Variants in HNRNPR observed in about 807,000 individuals in gnomAD.
HNRNPR encodes heterogeneous nuclear ribonucleoprotein R.
A neutral mutation model predicts 70.3 loss-of-function variants in HNRNPR; 4 were observed. The observed-to-expected ratio is 0.06, with a 90% CI of 0.03 to 0.13. HNRNPR has a LOEUF of 0.13. Among genes scored for constraint, HNRNPR ranks in the 10% least tolerant of loss-of-function variants. The probability of loss-of-function intolerance (pLI) is 1.00; values close to 1 mark genes in which losing one functional copy is unlikely to be tolerated. For synonymous variants in HNRNPR, 241 were observed against 267.6 expected, an observed-to-expected ratio of 0.90 and a Z score of 0.97; for missense variants, 423 against 788.5, an observed-to-expected ratio of 0.54 and a Z score of 5.55.
chr1:23,333,455 G>T, intron 5 of HNRNPR, 63 bp downstream of exon 5: 1 of 961,884 alleles, frequency 1.0e-6, no homozygotes, highest in Non-Finnish European at 1.7e-6. Context: ...TACAGTATCT[G>T]CATAGTAGAT....
Position 23,321,562 on chromosome 1 carries a change from T to C in HNRNPR, c.777A>G (p.Lys259=), listed in dbSNP as rs1645760425. ...TACTGAATTCTTCCAAAATGTTTTC[T>C]TTAGTCTTATTCTTCGGAATGGATC... The part of the protein sequence containing the change: ...FVGSIPKNKT[K]ENILEEFSKV... Residue 259 remains lysine (K), a synonymous_variant, in exon 7 of 11, where the codon AAA becomes AAG. Coordinates refer to ENST00000302271, the MANE Select transcript of HNRNPR (RefSeq NM_005826.5). The C allele has an allele frequency of 6.2e-7, 1 of 1,613,604 alleles. No homozygotes were observed. The highest frequency in any genetic ancestry group is 1.7e-4 in the Middle Eastern group (1 of 6,060).
chr1:23,340,655 C>G (rs1358203441), intron 2 of HNRNPR, among the ~76,000 whole-genome samples, 197 bp downstream of exon 2: 2 of 152,162 alleles, frequency 1.3e-5, no homozygotes, highest in Non-Finnish European at 2.9e-5. Context: ...GCATATTCAA[C>G]ACTAAGAAGG....
At chr1:23,330,682 A>G (rs4648861) in intron 5 of HNRNPR, among the ~76,000 whole-genome samples, 28,907 of 152,212 alleles carry the variant, frequency 0.19, 3,092 homozygotes, top group Admixed American at 0.34. Flanking sequence ...TCATCCTTGC[A>G]TATTTCTCAT....
At chr1:23,343,091 A>C (rs1159118332) in intron 1 of HNRNPR, among the ~76,000 whole-genome samples, 1 of 152,216 alleles carries the variant, frequency 6.6e-6, no homozygotes, top group East Asian at 1.9e-4. Context: ...TTTGAAACTC[A>C]TTCAAATGTG....
At chr1:23,323,441 A>C in intron 6 of HNRNPR, 115 bp downstream of exon 6, 2 of 1,010,568 alleles carry the variant, frequency 2.0e-6, no homozygotes, top group Non-Finnish European at 2.9e-6. Flanking sequence ...TCAGTATAAA[A>C]ACATTCCAAG....
chr1:23,307,727 T>C lies in HNRNPR; in HGVS notation c.*2727A>G, dbSNP rs1303597514. The C allele has an allele frequency of 1.3e-5, 2 of 152,042 alleles. No individual in the cohort carries two copies. Among genetic ancestry groups the C allele is most frequent in the African/African-American group, 4.8e-5 (2 of 41,426 alleles). The allele number at this position is 152,042 out of a possible 1,614,324, so 9.4% of individuals were successfully genotyped here. On this transcript the variant is annotated 3_prime_UTR_variant, in exon 11 of 11. Coordinates refer to ENST00000302271, the MANE Select transcript of HNRNPR (RefSeq NM_005826.5). ...TAGTATTCCATTATGGGGAGGGGCA[T>C]ATTTGTATCGGTCTCACCAGGGTAC...
intron 4 of HNRNPR, among the ~76,000 whole-genome samples, chr1:23,337,085 G>A (rs1646524686): frequency 6.6e-6 from 1 of 152,112 alleles, no homozygotes; most frequent in South Asian, 2.1e-4. Context: ...AAGGAGGAAA[G>A]CAGTTATAAC....
chr1:23,338,046 G>A, intron 3 of HNRNPR, 185 bp from the exon 4 acceptor site: 1 of 517,826 alleles, frequency 1.9e-6, no homozygotes, highest in Admixed American at 3.4e-5. Context: ...AGGCAGTATA[G>A]ACCTCAGGGA....
intron 4 of HNRNPR, among the ~76,000 whole-genome samples, chr1:23,334,892 G>A (rs1163945625): frequency 6.6e-6 from 1 of 151,456 alleles, no homozygotes; most frequent in South Asian, 2.1e-4. Flanking sequence ...AATCTACCTA[G>A]AAAAGAGAAA....
intron 8 of HNRNPR, among the ~76,000 whole-genome samples, chr1:23,315,279 C>CAAAAAAAAAAAA (rs1165980444): frequency 2.8e-5 from 1 of 35,390 alleles, no homozygotes; most frequent in African/African-American, 8.5e-5. Flanking sequence ...GGCTCCGTCT[C>CAAAAAAAAAAAA]AAAAAAAAAA....
At chr1:23,326,775 A>C (rs1192260399) in intron 5 of HNRNPR, among the ~76,000 whole-genome samples, 2 of 152,144 alleles carry the variant, frequency 1.3e-5, no homozygotes, top group Non-Finnish European at 2.9e-5. Flanking sequence ...ACAAGAGTGA[A>C]ACTGTCTCAG....
Position 23,321,515 on chromosome 1 carries a change from A to G in HNRNPR, c.811+13T>C. ...TTTCGCAAAAGTAATTTCTAAATAC[A>G]TTTTTGTTTTACCTGTGACTTTACT... On this transcript the variant is annotated intron_variant, in intron 7 of 10. Transcript: ENST00000302271. 2 of 1,608,744 alleles carry G rather than the reference A, an allele frequency of 1.2e-6. No homozygotes were observed. The highest frequency in any genetic ancestry group is 1.7e-6 in the Non-Finnish European group (2 of 1,176,200).
chr1:23,342,900 C>T (rs1433058922), intron 1 of HNRNPR, among the ~76,000 whole-genome samples: 1 of 152,218 alleles, frequency 6.6e-6, no homozygotes, highest in Admixed American at 6.5e-5. Context: ...ATTGCAAAGG[C>T]TCTACAAGTT....
chr1:23,336,213 G>A (rs1220577206), intron 4 of HNRNPR, among the ~76,000 whole-genome samples: 1 of 151,178 alleles, frequency 6.6e-6, no homozygotes, highest in Admixed American at 6.6e-5. Flanking sequence ...ATCCCCCAAG[G>A]TCAGGAGTTT....
In HNRNPR at chr1:23,306,047, C is replaced by T. The variant is rs903518894; in HGVS notation, c.*4407G>A. On this transcript the variant is annotated 3_prime_UTR_variant, in exon 11 of 11. Transcript: ENST00000302271. ...GTGCAATAAATATCTCTTTAAGATGCATTATATGTTAATCTATCCAACAAA... is the reference window on the plus strand; with the variant it reads ...GTGCAATAAATATCTCTTTAAGATGTATTATATGTTAATCTATCCAACAAA... The T allele has an allele frequency of 1.3e-5, 2 of 152,068 alleles. No individual in the cohort carries two copies. The highest frequency in any genetic ancestry group is 4.8e-5 in the African/African-American group (2 of 41,394). 9.4% of individuals were successfully genotyped at this position (152,068 alleles called of 1,614,324 possible).
Position 23,340,923 on chromosome 1 carries a change from T to C in HNRNPR, c.86A>G (p.His29Arg). 1 of 1,613,476 alleles carries C rather than the reference T, an allele frequency of 6.2e-7. No individual in the cohort carries two copies. Among genetic ancestry groups the C allele is most frequent in the South Asian group, 1.1e-5 (1 of 91,020 alleles). Reference protein sequence around the residue: ...MDTSSVTHTEHYKTLIEAGLP... With the variant: ...MDTSSVTHTERYKTLIEAGLP... ...GCCTGCCTCTATCAGTGTCTTGTAG[T>C]GTTCTGTGTGAGTTACACTGGAAGT... The change falls in exon 2 of 11, where the codon CAC (histidine) becomes CGC (arginine). Residue 29 changes from histidine (H) to arginine (R), a missense_variant. Coordinates refer to ENST00000302271, the MANE Select transcript of HNRNPR (RefSeq NM_005826.5).
intron 5 of HNRNPR, among the ~76,000 whole-genome samples, chr1:23,328,979 A>C (rs1439468678): frequency 6.6e-6 from 1 of 152,168 alleles, no homozygotes; most frequent in Non-Finnish European, 1.5e-5. Flanking sequence ...AAATTGGCTC[A>C]GTGTGGTGCC....
rs1022049004 is a variant in HNRNPR, at chr1:23,312,232, G to A, written c.1168-910C>T. ...TTCCCTTTTACCACCTCAGCTTTGC[G>A]TTGCTTCAGTTAAAGCAACTAAACA... On this transcript the variant is annotated intron_variant, in intron 9 of 10. Transcript: ENST00000302271. Among the ~76,000 whole-genome samples the A allele has an allele frequency of 2.1e-4, 32 of 152,224 alleles. 1 individual carries two copies. The highest frequency in any genetic ancestry group is 1.0e-3 in the Admixed American group (16 of 15,292).
chr1:23,326,033 G>A (rs1214644153), intron 5 of HNRNPR, among the ~76,000 whole-genome samples: 1 of 152,040 alleles, frequency 6.6e-6, no homozygotes, highest in Non-Finnish European at 1.5e-5. Context: ...GCTAATATCT[G>A]GGGGTGGCGG....
Sources: allele counts gnomAD v4.1 joint callset (sites outside exome capture counted in the v4.1 genomes callset), GRCh38; gene constraint gnomAD v4.1.1; transcripts MANE v1.5; gene names NCBI Gene and HGNC (gene_info 2026-07-23, HGNC 2026-07-21).